Variants in THRB observed in about 807,000 individuals in gnomAD.
THRB encodes thyroid hormone receptor beta.
A neutral mutation model predicts 47.8 loss-of-function variants in THRB; 12 were observed. That is an observed-to-expected ratio of 0.25 (90% CI 0.16 to 0.41). The LOEUF (loss-of-function observed/expected upper bound fraction) is 0.41. THRB is among the 10% of genes least tolerant of loss of function. The probability of loss-of-function intolerance (pLI) is 1.00; values close to 1 mark genes in which losing one functional copy is unlikely to be tolerated. For missense variants in THRB, 348 were observed against 589.2 expected (o/e 0.59, Z 4.24); for synonymous variants, 218 against 212.2 (o/e 1.03, Z -0.24).
chr3:24,332,954 G>A (rs911172077), intron 2 of THRB, among the ~76,000 whole-genome samples: 2 of 152,048 alleles, frequency 1.3e-5, no homozygotes, highest in South Asian at 2.1e-4. Flanking sequence ...GCGTGGTGGC[G>A]GGTGCCTATA....
chr3:24,153,547 T>A (rs962072869), intron 5 of THRB, among the ~76,000 whole-genome samples: 2 of 151,764 alleles, frequency 1.3e-5, no homozygotes, highest in African/African-American at 4.8e-5. Flanking sequence ...GGACAATGAG[T>A]TTATTAGTTT....
chr3:24,359,408 C>T (rs2063918180), intron 1 of THRB, among the ~76,000 whole-genome samples: 1 of 152,144 alleles, frequency 6.6e-6, no homozygotes, highest in South Asian at 2.1e-4. Context: ...AGGGAGGAGG[C>T]TGCATGGCCT....
At chr3:24,269,320 C>CGT (rs2053012292) in intron 3 of THRB, among the ~76,000 whole-genome samples, 1 of 131,578 alleles carries the variant, frequency 7.6e-6, no homozygotes, top group Admixed American at 7.6e-5. Flanking sequence ...CACACACACA[C>CGT]ACGTTATCTT....
At chr3:24,171,174 G>C (rs969724039) in intron 5 of THRB, among the ~76,000 whole-genome samples, 1 of 152,198 alleles carries the variant, frequency 6.6e-6, no homozygotes, top group Admixed American at 6.5e-5. Flanking sequence ...CATGAGTCTC[G>C]ATCTTACCAC....
chr3:24,317,222 T>C (rs73148386), intron 2 of THRB, among the ~76,000 whole-genome samples: 180 of 152,310 alleles, frequency 1.2e-3, no homozygotes, highest in African/African-American at 4.2e-3. Context: ...TTATTTAATA[T>C]CTTGGTGCCT....
intron 4 of THRB, among the ~76,000 whole-genome samples, chr3:24,215,718 A>G (rs566304783): frequency 6.6e-6 from 1 of 152,368 alleles, no homozygotes; most frequent in South Asian, 2.1e-4. Flanking sequence ...GCAACCTTGC[A>G]GTGAGACACG....
At position 24,194,923 on chromosome 3, in the gene THRB, G is replaced by C. The variant is rs575788287; in HGVS notation, c.23-4589C>G. Among the ~76,000 whole-genome samples, 6 of 152,308 alleles carry C rather than the reference G, an allele frequency of 3.9e-5. No individual in the cohort carries two copies. In the South Asian group the frequency reaches 8.3e-4, roughly 21 times the overall value. On this transcript the variant is annotated intron_variant, in intron 4 of 10. Coordinates refer to ENST00000646209, the MANE Select transcript of THRB (RefSeq NM_001354712.2). ...AGGCTGGGATTTCATGGCACTCATT[G>C]CAAGAGTTTAGCTTGCATTAAAAGG...
chr3:24,359,629 T>C (rs1505292), intron 1 of THRB, among the ~76,000 whole-genome samples: 7,541 of 152,138 alleles, frequency 0.05, 669 homozygotes, highest in African/African-American at 0.17. Flanking sequence ...TTAACAACTC[T>C]AGACTTTTCT....
chr3:24,303,960 C>G (rs1369660717), intron 2 of THRB, among the ~76,000 whole-genome samples: 3 of 151,920 alleles, frequency 2.0e-5, no homozygotes, highest in Admixed American at 1.3e-4. Flanking sequence ...ATAGAGTATT[C>G]TTTCTTTTGA....
intron 5 of THRB, among the ~76,000 whole-genome samples, chr3:24,171,139 A>C (rs1015846221): frequency 1.3e-5 from 2 of 152,212 alleles, no homozygotes; most frequent in African/African-American, 2.4e-5. Flanking sequence ...AATTGAGGAA[A>C]GTTTCCTTTA....
At chr3:24,414,799 A>G (rs890299148) in intron 1 of THRB, among the ~76,000 whole-genome samples, 5 of 151,910 alleles carry the variant, frequency 3.3e-5, no homozygotes, top group African/African-American at 1.2e-4. Context: ...CTGTATTATT[A>G]GTAACCTTAA....
intron 3 of THRB, among the ~76,000 whole-genome samples, chr3:24,287,304 A>G (rs2055412511): frequency 6.6e-6 from 1 of 152,192 alleles, no homozygotes; most frequent in Non-Finnish European, 1.5e-5. Flanking sequence ...AAGGACTTAA[A>G]AGACTTCAAT....
chr3:24,179,176 G>A (rs554368465), intron 5 of THRB, among the ~76,000 whole-genome samples: 6 of 152,312 alleles, frequency 3.9e-5, no homozygotes, highest in South Asian at 2.1e-4. Flanking sequence ...CCTCTCTCCA[G>A]CTCTGGTCCT....
intron 8 of THRB, among the ~76,000 whole-genome samples, chr3:24,140,382 A>G (rs969093949): frequency 6.6e-6 from 1 of 152,076 alleles, no homozygotes; most frequent in Non-Finnish European, 1.5e-5. Context: ...TGGCACAGCT[A>G]GGGGGCCCTC....
At chr3:24,134,809 C>G (rs1465257654) in intron 8 of THRB, among the ~76,000 whole-genome samples, 1 of 152,112 alleles carries the variant, frequency 6.6e-6, no homozygotes, top group Non-Finnish European at 1.5e-5. Flanking sequence ...TAGACAAGAA[C>G]AAGACCAGTT....
chr3:24,368,211 TG>T lies in THRB; in HGVS notation c.-260-30841del, dbSNP rs557556151. Among the ~76,000 whole-genome samples, 9 of 152,234 alleles carry T rather than the reference TG, an allele frequency of 5.9e-5. No individual in the cohort carries two copies. The South Asian group carries it at 1.9e-3, about 32-fold the overall frequency. On this transcript the variant is annotated intron_variant, in intron 1 of 10. Coordinates refer to ENST00000646209, the MANE Select transcript of THRB (RefSeq NM_001354712.2). The stretch of plus-strand genomic sequence containing the variant: ...TGCCACTGCCCTGACATCTTTATTT[TG>T]AAAAAAAATACACGGATGACTTTTC...
intron 1 of THRB, among the ~76,000 whole-genome samples, chr3:24,473,880 T>A (rs1695068151): frequency 6.6e-6 from 1 of 151,626 alleles, no homozygotes; most frequent in Non-Finnish European, 1.5e-5. Flanking sequence ...TAAGTTGGAG[T>A]GGGAACTCAT....
chr3:24,389,183 T>G (rs143125622), intron 1 of THRB, among the ~76,000 whole-genome samples: 1 of 152,268 alleles, frequency 6.6e-6, no homozygotes, highest in Admixed American at 6.5e-5. Flanking sequence ...TTGGAGTGGT[T>G]GAAACCCCAG....
At chr3:24,193,642 T>C (rs1417003000) in intron 4 of THRB, among the ~76,000 whole-genome samples, 1 of 152,068 alleles carries the variant, frequency 6.6e-6, no homozygotes. Flanking sequence ...AAGTATTTAC[T>C]CAGATTGCAG....
Sources: gnomAD v4.1 joint callset for allele counts (sites outside exome capture counted in the v4.1 genomes callset) on GRCh38, gnomAD v4.1.1 for gene constraint, MANE v1.5 for transcripts, NCBI Gene and HGNC (gene_info 2026-07-23, HGNC 2026-07-21) for gene names.